The following LRP1B variants were observed in gnomAD, a reference collection of about 807,000 sequenced individuals.
The protein encoded by LRP1B is low-density lipoprotein receptor-related protein 1B.
In LRP1B, 217 loss-of-function variants were observed where a neutral mutation model predicts 556.6. The observed-to-expected ratio is 0.39, with a 90% CI of 0.35 to 0.44. LRP1B has a LOEUF of 0.44. LRP1B is among the 20% of genes least tolerant of loss of function. LRP1B has a pLI of 1.00. For missense variants in LRP1B, 5,053 were observed against 5,620.8 expected (o/e 0.90, Z 3.23); for synonymous variants, 2,047 against 1,865.8 (o/e 1.10, Z -2.50).
intron 3 of LRP1B, among the ~76,000 whole-genome samples, chr2:141,370,349 G>C (rs1468674116): frequency 2.0e-5 from 3 of 152,016 alleles, no homozygotes. Context: ...ATTCCGATTG[G>C]TATAGGATGA....
chr2:141,911,739 C>A (rs1354533371), intron 1 of LRP1B, among the ~76,000 whole-genome samples: 3 of 152,148 alleles, frequency 2.0e-5, no homozygotes, highest in African/African-American at 7.2e-5. Context: ...GCCAATTCCT[C>A]TCTCTGGGCA....
At chr2:140,364,167 G>A (rs7340225) in intron 72 of LRP1B, among the ~76,000 whole-genome samples, 102,367 of 151,362 alleles carry the variant, frequency 0.68, 34,905 homozygotes, top group Non-Finnish European at 0.73. Flanking sequence ...TCTGTGTTTA[G>A]GACTTGTAAT....
intron 1 of LRP1B, among the ~76,000 whole-genome samples, chr2:141,815,931 G>T (rs565761394): frequency 6.6e-6 from 1 of 152,162 alleles, no homozygotes; most frequent in Non-Finnish European, 1.5e-5. Flanking sequence ...AACAGTAAAG[G>T]GTGGTAAAGG....
chr2:142,032,882 CTGA>C (rs1703755085), intron 1 of LRP1B, among the ~76,000 whole-genome samples: 2 of 151,838 alleles, frequency 1.3e-5, no homozygotes, highest in South Asian at 4.1e-4. Flanking sequence ...TGCTAGCTGA[CTGA>C]TGATGTGTCC....
At chr2:140,426,128 C>T (rs1415774875) in intron 66 of LRP1B, among the ~76,000 whole-genome samples, 1 of 152,220 alleles carries the variant, frequency 6.6e-6, no homozygotes, top group African/African-American at 2.4e-5. Flanking sequence ...GATGCTTCCT[C>T]TGCCAAGAAC....
chr2:141,743,093 T>C (rs1381956000), intron 2 of LRP1B, among the ~76,000 whole-genome samples: 1 of 152,112 alleles, frequency 6.6e-6, no homozygotes, highest in Non-Finnish European at 1.5e-5. Context: ...GCCCCTTATT[T>C]CTTTTGCTTG....
At chr2:140,868,393 C>T in intron 25 of LRP1B, 130 bp from the exon 26 acceptor site, 6 of 793,904 alleles carry the variant, frequency 7.6e-6, no homozygotes, top group Non-Finnish European at 1.1e-5. Flanking sequence ...GATGTATTAT[C>T]TATCCTCGTG....
At chr2:140,596,698 A>G (rs1388022579) in intron 43 of LRP1B, among the ~76,000 whole-genome samples, 2 of 152,192 alleles carry the variant, frequency 1.3e-5, no homozygotes, top group African/African-American at 2.4e-5. Context: ...CAAATTTAGC[A>G]TGATGGTTTG....
At chr2:140,373,946 C>T (rs1683107685) in intron 68 of LRP1B, among the ~76,000 whole-genome samples, 1 of 152,178 alleles carries the variant, frequency 6.6e-6, no homozygotes. Flanking sequence ...TCTCCTCTCT[C>T]CATCTCTTTT....
chr2:140,379,863 CT>C (rs1367484940), intron 67 of LRP1B, among the ~76,000 whole-genome samples: 1 of 152,068 alleles, frequency 6.6e-6, no homozygotes, highest in Non-Finnish European at 1.5e-5. Flanking sequence ...GGAAAATGCC[CT>C]TAAGTGGATA....
chr2:141,413,890 A>T (rs1690959122), intron 3 of LRP1B, among the ~76,000 whole-genome samples: 1 of 151,316 alleles, frequency 6.6e-6, no homozygotes, highest in Non-Finnish European at 1.5e-5. Flanking sequence ...AGAGAGAGAG[A>T]GACCATGAGA....
Position 140,274,519 on chromosome 2 carries a change from C to T in LRP1B, c.13047G>A (p.Thr4349=), listed in dbSNP as rs1386356. Residue 4349 remains threonine, a synonymous_variant, in exon 85 of 91, where the codon ACG becomes ACA. Coordinates refer to ENST00000389484, the MANE Select transcript of LRP1B (RefSeq NM_018557.3). ...DDGSVECVCP[T]RYEGPKCEVD... ...CCTCACATTTTGGTCCTTCATAGCG[C>T]GTTGGACAGACACATTCAACACTTC... 1,044,812 of 1,611,552 alleles carry T rather than the reference C, an allele frequency of 0.65. 348,491 individuals carry two copies. The highest frequency in any genetic ancestry group is 0.69 in the Non-Finnish European group (810,624 of 1,178,446).
intron 11 of LRP1B, among the ~76,000 whole-genome samples, chr2:141,046,672 C>T (rs536921011): frequency 6.6e-6 from 1 of 152,080 alleles, no homozygotes; most frequent in African/African-American, 2.4e-5. Flanking sequence ...CCACCAATGT[C>T]CTTGATATTA....
intron 6 of LRP1B, among the ~76,000 whole-genome samples, chr2:141,202,001 C>T (rs1682044107): frequency 6.6e-6 from 1 of 152,004 alleles, no homozygotes; most frequent in Non-Finnish European, 1.5e-5. Flanking sequence ...GGAGGATGTG[C>T]AGGTTTGTTA....
chr2:140,577,294 C>A (rs1040457656), intron 43 of LRP1B, among the ~76,000 whole-genome samples: 1 of 151,974 alleles, frequency 6.6e-6, no homozygotes, highest in Non-Finnish European at 1.5e-5. Context: ...ACCATCCTGG[C>A]CAACATGGTG....
At chr2:142,054,493 C>A (rs1316071100) in intron 1 of LRP1B, among the ~76,000 whole-genome samples, 2 of 152,080 alleles carry the variant, frequency 1.3e-5, no homozygotes, top group Admixed American at 6.6e-5. Flanking sequence ...TATGTTCTTC[C>A]TTCCTTCCTG....
intron 2 of LRP1B, among the ~76,000 whole-genome samples, chr2:141,598,278 G>A (rs1687595705): frequency 1.3e-5 from 2 of 151,732 alleles, no homozygotes; most frequent in Non-Finnish European, 2.9e-5. Context: ...ACCTATTTTT[G>A]TTACTTGAAA....
At position 140,233,345 on chromosome 2, in the gene LRP1B, A is replaced by T. The variant is rs776840446; in HGVS notation, c.13660-19T>A. On this transcript the variant is annotated intron_variant, in intron 90 of 90. Transcript: ENST00000389484. The stretch of plus-strand genomic sequence containing the variant: ...TTGTTGGCTGAAGGAGAAAAAAAAT[A>T]AATATAATTTTATTACTGGTCTTGG... 4.5e-6 allele frequency: 7 copies of T among 1,543,846 alleles called. No homozygotes were observed.
intron 86 of LRP1B, among the ~76,000 whole-genome samples, chr2:140,260,912 C>A (rs1681906558): frequency 6.6e-6 from 1 of 151,794 alleles, no homozygotes. Flanking sequence ...TGAAGTTCCA[C>A]AAAGCCAATT....
Sources: allele counts gnomAD v4.1 joint callset (sites outside exome capture counted in the v4.1 genomes callset), GRCh38; gene constraint gnomAD v4.1.1; transcripts MANE v1.5; gene names NCBI Gene and HGNC (gene_info 2026-07-23, HGNC 2026-07-21).